The following LARGE1 variants were observed in gnomAD, a reference collection of about 807,000 sequenced individuals.
LARGE1 encodes LARGE xylosyl- and glucuronyltransferase 1, also known as xylosyl- and glucuronyltransferase LARGE1.
Under a neutral mutation model 87.6 loss-of-function variants are expected in LARGE1, and 43 were observed. The ratio of observed to expected loss-of-function variants is 0.49; its 90% CI spans 0.38 to 0.63. The LOEUF is 0.63. LARGE1 is among the 30% of genes least tolerant of loss of function. LARGE1 has a pLI of 0.00. For synonymous variants in LARGE1, 434 were observed against 394.6 expected, an observed-to-expected ratio of 1.10 and a Z score of -1.18; for missense variants, 802 against 1,000.2, an observed-to-expected ratio of 0.80 and a Z score of 2.67.
intron 1 of LARGE1, among the ~76,000 whole-genome samples, chr22:33,803,130 C>G (rs1354601468): frequency 6.6e-6 from 1 of 152,148 alleles, no homozygotes; most frequent in Non-Finnish European, 1.5e-5. Flanking sequence ...TCTAACTCCC[C>G]CAAGACAGCA....
chr22:33,574,084 T>C (rs994455864), intron 5 of LARGE1, among the ~76,000 whole-genome samples: 3 of 152,102 alleles, frequency 2.0e-5, no homozygotes, highest in South Asian at 2.1e-4. Context: ...GGACTAGACA[T>C]GGGAGTGAAT....
chr22:33,576,085 C>A (rs1168605777), intron 5 of LARGE1, among the ~76,000 whole-genome samples: 1 of 152,196 alleles, frequency 6.6e-6, no homozygotes, highest in Non-Finnish European at 1.5e-5. Flanking sequence ...GAGAAAATTG[C>A]ATTAGCTGCT....
intron 2 of LARGE1, among the ~76,000 whole-genome samples, chr22:33,715,971 C>T (rs1334934649): frequency 6.6e-6 from 1 of 152,164 alleles, no homozygotes; most frequent in Non-Finnish European, 1.5e-5. Flanking sequence ...AGTTAATTCC[C>T]CATTACTAAC....
chr22:33,699,338 T>A (rs2082341232), intron 2 of LARGE1, among the ~76,000 whole-genome samples: 1 of 152,074 alleles, frequency 6.6e-6, no homozygotes, highest in South Asian at 2.1e-4. Context: ...CCGGAGACAA[T>A]GAAGGGAGTC....
intron 6 of LARGE1, among the ~76,000 whole-genome samples, chr22:33,450,369 A>AG (rs1303530036): frequency 6.6e-6 from 1 of 151,052 alleles, no homozygotes; most frequent in African/African-American, 2.4e-5. Flanking sequence ...TGGGAGGCCG[A>AG]GGCAGGCAGA....
chr22:33,556,092 C>G (rs1458997623), intron 6 of LARGE1, among the ~76,000 whole-genome samples: 1 of 152,176 alleles, frequency 6.6e-6, no homozygotes. Context: ...GCCCTCCTGA[C>G]TCCCTCCAAC....
At chr22:33,864,895 C>G (rs1395261743) in intron 1 of LARGE1, among the ~76,000 whole-genome samples, 1 of 152,196 alleles carries the variant, frequency 6.6e-6, no homozygotes, top group East Asian at 1.9e-4. Flanking sequence ...CTGCAGGCCT[C>G]TATCTCTCGC....
intron 1 of LARGE1, among the ~76,000 whole-genome samples, chr22:33,893,413 A>G (rs1160094525): frequency 1.3e-5 from 2 of 152,126 alleles, no homozygotes; most frequent in African/African-American, 2.4e-5. Context: ...CACTCAACAA[A>G]TATTTATTGA....
At chr22:33,489,051 T>C (rs1346140503) in intron 6 of LARGE1, among the ~76,000 whole-genome samples, 1 of 152,226 alleles carries the variant, frequency 6.6e-6, no homozygotes, top group East Asian at 1.9e-4. Context: ...ATTCATTCAT[T>C]CAACAAATGT....
At chr22:33,166,410 T>C (rs1163802794) in exon 12 of LARGE1, 1 of 220,386 alleles carries the variant, frequency 4.5e-6, no homozygotes, top group Non-Finnish European at 9.1e-6. Context: ...GATGTTCACC[T>C]GGCACGTACC....
intron 2 of LARGE1, among the ~76,000 whole-genome samples, chr22:33,710,967 C>G (rs2082713954): frequency 6.6e-6 from 1 of 152,162 alleles, no homozygotes; most frequent in Admixed American, 6.5e-5. Flanking sequence ...TGGTAGTAAA[C>G]TGTCCCAAAT....
At chr22:33,541,838 C>A (rs933069368) in intron 6 of LARGE1, among the ~76,000 whole-genome samples, 4 of 151,414 alleles carry the variant, frequency 2.6e-5, no homozygotes, top group Non-Finnish European at 4.4e-5. Flanking sequence ...TGGGGTTGAG[C>A]CCCTACTGTA....
chr22:33,220,956 CTCTT>C (rs1302000761), intron 11 of LARGE1, among the ~76,000 whole-genome samples: 3 of 152,134 alleles, frequency 2.0e-5, no homozygotes, highest in African/African-American at 7.2e-5. Context: ...ATTCCTCCCT[CTCTT>C]TCTCACTCCC....
intron 2 of LARGE1, among the ~76,000 whole-genome samples, chr22:33,652,115 G>A (rs996153157): frequency 1.3e-5 from 2 of 152,146 alleles, no homozygotes; most frequent in Admixed American, 6.5e-5. Context: ...GGCAGGGGTT[G>A]CAGTAAGCCG....
At chr22:33,334,946 G>A (rs1180297373) in intron 10 of LARGE1, among the ~76,000 whole-genome samples, 1 of 152,216 alleles carries the variant, frequency 6.6e-6, no homozygotes, top group African/African-American at 2.4e-5. Flanking sequence ...TCACCTCGCC[G>A]ATCCCCCCAG....
At chr22:33,620,158 C>A (rs557570837) in intron 4 of LARGE1, among the ~76,000 whole-genome samples, 2 of 152,258 alleles carry the variant, frequency 1.3e-5, no homozygotes, top group East Asian at 3.9e-4. Context: ...TTCAGGGGCA[C>A]AAGTGAAGTT....
At chr22:33,534,220 C>T (rs137969634) in intron 6 of LARGE1, among the ~76,000 whole-genome samples, 1,706 of 151,822 alleles carry the variant, frequency 0.011, 19 homozygotes, top group Middle Eastern at 0.027. Context: ...CTGGCCAGCA[C>T]GGTGAAACCC....
At chr22:33,420,552 G>C (rs1030418586) in intron 7 of LARGE1, among the ~76,000 whole-genome samples, 6 of 152,228 alleles carry the variant, frequency 3.9e-5, no homozygotes, top group African/African-American at 1.4e-4. Flanking sequence ...AAGGAAGCCA[G>C]AGTGGCTGGA....
At chr22:33,187,058 G>T (rs1381038839) in intron 11 of LARGE1, among the ~76,000 whole-genome samples, 1 of 152,150 alleles carries the variant, frequency 6.6e-6, no homozygotes, top group African/African-American at 2.4e-5. Flanking sequence ...TCAAAGTACA[G>T]CCACTATGAG....
Sources: allele counts gnomAD v4.1 joint callset (sites outside exome capture counted in the v4.1 genomes callset), GRCh38; gene constraint gnomAD v4.1.1; transcripts MANE v1.5; gene names NCBI Gene and HGNC (gene_info 2026-07-23, HGNC 2026-07-21).